Variants in ZNF571 observed in about 807,000 individuals in gnomAD.
ZNF571 encodes the protein zinc finger protein 571.
Under a neutral mutation model 7.7 loss-of-function variants are expected in ZNF571, and 4 were observed. The observed-to-expected ratio is 0.52, with a 90% confidence interval of 0.25 to 1.18. The LOEUF is 1.18. Ranked by LOEUF, ZNF571 falls within the 50% of genes most tolerant of loss-of-function variation. The probability of loss-of-function intolerance (pLI) is 0.14; values close to 1 mark genes in which losing one functional copy is unlikely to be tolerated. For missense variants in ZNF571, 704 were observed against 726.9 expected (o/e 0.97, Z 0.36); for synonymous variants, 251 against 232.4 (o/e 1.08, Z -0.73).
At chr19:37,583,872 A>T in intron 3 of ZNF571, 99 bp downstream of exon 3, 4 of 1,262,772 alleles carry the variant, frequency 3.2e-6, no homozygotes, top group Non-Finnish European at 4.4e-6. Context: ...TTCTACTCAA[A>T]CGTAAGCCTT....
chr19:37,567,880 A>G (rs1160756233), intron 3 of ZNF571: 1 of 152,136 alleles, frequency 6.6e-6, no homozygotes, highest in African/African-American at 2.4e-5. Flanking sequence ...TGCCTGTTTT[A>G]TTATATAGCT....
At chr19:37,589,595 G>C (rs920298740) in intron 1 of ZNF571, among the ~76,000 whole-genome samples, 8 of 152,122 alleles carry the variant, frequency 5.3e-5, no homozygotes, top group South Asian at 2.1e-4. Context: ...ATATCATTAA[G>C]ATCCTACTGG....
intron 3 of ZNF571, among the ~76,000 whole-genome samples, chr19:37,567,902 C>T (rs2042917082): frequency 6.6e-6 from 1 of 152,176 alleles, no homozygotes; most frequent in African/African-American, 2.4e-5. Context: ...GTCCCCAGAA[C>T]ACAGTATACA....
rs763076083 is a variant in ZNF571, at chr19:37,565,034, T to A, written c.1394A>T (p.His465Leu). The change falls in exon 4 of 4, where the codon CAT becomes CTT. Residue 465 changes from histidine to leucine, a missense_variant. Physicochemically the swap from His to Leu is moderately conservative, Grantham distance 99. Transcript: ENST00000451802. The stretch of plus-strand genomic sequence containing the variant: ...ATGTTTCTCACCATGAATTTTCTCA[T>A]GTTGAGTAAGATATGCAACACGAAT... The part of the protein sequence containing the change: ...AFIRVAYLTQ[H>L]EKIHGEKHYE... The A allele has an allele frequency of 1.2e-6, 2 of 1,613,850 alleles. No individual in the cohort carries two copies. The highest frequency in any genetic ancestry group is 1.7e-6 in the Non-Finnish European group (2 of 1,179,770).
At chr19:37,571,972 T>C (rs2043070863) in intron 3 of ZNF571, among the ~76,000 whole-genome samples, 1 of 152,236 alleles carries the variant, frequency 6.6e-6, no homozygotes, top group Non-Finnish European at 1.5e-5. Context: ...ATATCTTTTT[T>C]TATGATCTAA....
intron 1 of ZNF571, among the ~76,000 whole-genome samples, chr19:37,588,981 C>T (rs1368439247): frequency 6.6e-6 from 1 of 151,968 alleles, no homozygotes; most frequent in African/African-American, 2.4e-5. Context: ...AGGTGGATCA[C>T]CTGAGGTCAG....
intron 1 of ZNF571, among the ~76,000 whole-genome samples, chr19:37,592,273 G>C (rs769141854): frequency 2.6e-5 from 4 of 152,012 alleles, no homozygotes; most frequent in Non-Finnish European, 5.9e-5. Flanking sequence ...AATGGATCTT[G>C]GTATCAATCA....
chr19:37,566,556 TAA>T, intron 3 of ZNF571: 1 of 315,384 alleles, frequency 3.2e-6, no homozygotes, highest in Non-Finnish European at 5.8e-6. Flanking sequence ...AGGAGGCTTA[TAA>T]AATAGTAATA....
chr19:37,578,625 G>T (rs1052470786), intron 3 of ZNF571, among the ~76,000 whole-genome samples: 1 of 152,172 alleles, frequency 6.6e-6, no homozygotes, highest in African/African-American at 2.4e-5. Flanking sequence ...TCCTCGCCAG[G>T]AAAGGCTCGG....
At chr19:37,578,453 T>C (rs1806490527) in intron 3 of ZNF571, among the ~76,000 whole-genome samples, 1 of 152,166 alleles carries the variant, frequency 6.6e-6, no homozygotes, top group South Asian at 2.1e-4. Context: ...CCTGGGCCAC[T>C]AGACCAACAC....
chr19:37,583,530 A>C (rs2147196585), intron 3 of ZNF571: 1 of 155,082 alleles, frequency 6.4e-6, no homozygotes, highest in East Asian at 1.9e-4. Flanking sequence ...CACACCTCAA[A>C]GTGCTGCCAC....
intron 1 of ZNF571, among the ~76,000 whole-genome samples, chr19:37,591,999 T>C (rs2043882508): frequency 6.6e-6 from 1 of 152,184 alleles, no homozygotes; most frequent in Admixed American, 6.5e-5. Context: ...GCCTCACACT[T>C]GTAATCCCAG....
intron 2 of ZNF571, 43 bp from the exon 3 acceptor site, chr19:37,584,140 T>C: frequency 6.2e-7 from 1 of 1,611,752 alleles, no homozygotes; most frequent in East Asian, 2.2e-5. Flanking sequence ...ACAGGAATGA[T>C]TCTGAAGTGA....
At chr19:37,593,204 G>A (rs1193159746) in intron 1 of ZNF571, among the ~76,000 whole-genome samples, 1 of 151,912 alleles carries the variant, frequency 6.6e-6, no homozygotes. Flanking sequence ...ATGCTTATAA[G>A]AGGATAAAAT....
intron 1 of ZNF571, among the ~76,000 whole-genome samples, chr19:37,591,037 C>CT (rs2043854241): frequency 6.6e-6 from 1 of 152,124 alleles, no homozygotes; most frequent in African/African-American, 2.4e-5. Flanking sequence ...AGAAAATACT[C>CT]TGTAATTTGT....
Position 37,564,841 on chromosome 19 carries a change from A to C in ZNF571, c.1587T>G (p.Pro529=). 6.2e-7 allele frequency: 1 copy of C among 1,613,974 alleles called. No homozygotes were observed. The highest frequency in any genetic ancestry group is 8.5e-7 in the Non-Finnish European group (1 of 1,179,926). ...CCTTCCCACACTGTTTACATTCATA[A>C]GGTTTTTCACCTCTGTGAATTCTCT... is the stretch of plus-strand genomic sequence containing the variant. ...EHQRIHRGEK[P]YECKQCGKAF... is the part of the protein sequence containing the mutation. The change falls in exon 4 of 4, where the codon CCT becomes CCG. Residue 529 remains proline (P), a synonymous_variant. Transcript: ENST00000451802.
At chr19:37,586,840 T>C (rs1325681626) in intron 1 of ZNF571, 95 bp from the exon 2 acceptor site, 30 of 744,294 alleles carry the variant, frequency 4.0e-5, no homozygotes, top group Non-Finnish European at 5.8e-5. Context: ...TTTTGGGAAT[T>C]TGGAAAAAAT....
At chr19:37,588,320 T>A (rs1328127403) in intron 1 of ZNF571, among the ~76,000 whole-genome samples, 1 of 152,018 alleles carries the variant, frequency 6.6e-6, no homozygotes, top group Non-Finnish European at 1.5e-5. Flanking sequence ...AAATGCCTGA[T>A]AATAAAGAGA....
At chr19:37,588,561 G>T (rs1404211646) in intron 1 of ZNF571, among the ~76,000 whole-genome samples, 11 of 152,102 alleles carry the variant, frequency 7.2e-5, no homozygotes, top group Admixed American at 5.9e-4. Context: ...CTAGAGCACG[G>T]AGAGAAGGAG....
Sources: gnomAD v4.1 joint callset for allele counts (sites outside exome capture counted in the v4.1 genomes callset) on GRCh38, gnomAD v4.1.1 for gene constraint, MANE v1.5 for transcripts, NCBI Gene and HGNC (gene_info 2026-07-23, HGNC 2026-07-21) for gene names.